Variants in ENPEP observed in about 807,000 individuals in gnomAD.
ENPEP encodes the protein AP-A.
Under a neutral mutation model 114.5 loss-of-function variants are expected in ENPEP, and 103 were observed. The ratio of observed to expected loss-of-function variants is 0.90; its 90% confidence interval spans 0.77 to 1.06. ENPEP has a LOEUF of 1.06. Ranked by LOEUF, ENPEP falls within the 50% of genes least tolerant of loss-of-function variation. ENPEP has a pLI of 0.00. For missense variants in ENPEP, 1,196 were observed against 1,161.3 expected (o/e 1.03, Z -0.43); for synonymous variants, 420 against 422.0 (o/e 1.00, Z 0.06).
intron 3 of ENPEP, among the ~76,000 whole-genome samples, chr4:110,497,067 GA>G (rs1435013790): frequency 6.6e-6 from 1 of 152,198 alleles, no homozygotes; most frequent in African/African-American, 2.4e-5. Context: ...TTTAGGGAGT[GA>G]TAATTAAAGG....
chr4:110,498,282 T>G (rs996614143), intron 3 of ENPEP, among the ~76,000 whole-genome samples: 5 of 152,108 alleles, frequency 3.3e-5, no homozygotes, highest in African/African-American at 9.7e-5. Context: ...AGCTTGTTTT[T>G]GGGGGATCCT....
chr4:110,518,799 C>T (rs1387790892), intron 8 of ENPEP, among the ~76,000 whole-genome samples: 1 of 152,122 alleles, frequency 6.6e-6, no homozygotes, highest in Admixed American at 6.5e-5. Context: ...TTTAAAGTCC[C>T]TTCCAGTTCC....
chr4:110,529,872 G>A (rs6823156), intron 10 of ENPEP, among the ~76,000 whole-genome samples: 49,502 of 151,836 alleles, frequency 0.33, 8,466 homozygotes, highest in African/African-American at 0.38. Flanking sequence ...TCAGGAGTTC[G>A]AGACCAACCT....
intron 1 of ENPEP, among the ~76,000 whole-genome samples, chr4:110,482,333 C>A (rs1724340326): frequency 6.6e-6 from 1 of 151,996 alleles, no homozygotes; most frequent in Admixed American, 6.6e-5. Flanking sequence ...TCTAGGATAC[C>A]CCAGCTAGCC....
chr4:110,555,084 G>C (rs1314723011), intron 18 of ENPEP, among the ~76,000 whole-genome samples: 1 of 151,912 alleles, frequency 6.6e-6, no homozygotes, highest in Non-Finnish European at 1.5e-5. Context: ...CTGGTAAATT[G>C]ATTATTTTTC....
intron 18 of ENPEP, among the ~76,000 whole-genome samples, chr4:110,558,186 T>A (rs1013233632): frequency 1.3e-5 from 2 of 149,766 alleles, no homozygotes; most frequent in African/African-American, 2.4e-5. Context: ...TTAATTTGCA[T>A]AAAACAAACT....
chr4:110,493,580 C>T (rs1724805845), intron 3 of ENPEP, among the ~76,000 whole-genome samples: 1 of 152,120 alleles, frequency 6.6e-6, no homozygotes, highest in African/African-American at 2.4e-5. Context: ...CCTGAAAAAA[C>T]AGTGGGGCCG....
rs765915478 is a variant in ENPEP, at chr4:110,476,838, A to T, written c.424A>T (p.Thr142Ser). The change falls in exon 1 of 20, where the codon ACC (threonine) becomes TCC (serine). Residue 142 changes from threonine to serine, a missense_variant. Transcript: ENST00000265162. ...GCTGCACCTCCGGGAGACCAGGATC[A>T]CCCGGCTCCCGGAGCTGAAGAGGCC... ...LWLHLRETRITRLPELKRPSG... is the reference protein window; with the variant it reads ...LWLHLRETRISRLPELKRPSG... The T allele has an allele frequency of 6.2e-7, 1 of 1,613,960 alleles. No homozygotes were observed. The highest frequency in any genetic ancestry group is 8.5e-7 in the Non-Finnish European group (1 of 1,180,006).
At chr4:110,513,724 G>A (rs1725664608) in intron 7 of ENPEP, among the ~76,000 whole-genome samples, 175 bp downstream of exon 7, 1 of 152,088 alleles carries the variant, frequency 6.6e-6, no homozygotes, top group Non-Finnish European at 1.5e-5. Flanking sequence ...ATAATTTAGT[G>A]CTGGTCATTG....
At chr4:110,558,128 A>G (rs1406500537) in intron 18 of ENPEP, among the ~76,000 whole-genome samples, 1 of 142,180 alleles carries the variant, frequency 7.0e-6, no homozygotes, top group Non-Finnish European at 1.5e-5. Context: ...CCCAAGTCAC[A>G]GGGATTACAA....
At chr4:110,552,120 T>G (rs80282954) in intron 17 of ENPEP, among the ~76,000 whole-genome samples, 2,251 of 152,260 alleles carry the variant, frequency 0.015, 35 homozygotes, top group South Asian at 0.027. Flanking sequence ...AACTGATAGC[T>G]TCCCATAAAC....
intron 11 of ENPEP, among the ~76,000 whole-genome samples, chr4:110,539,644 C>T (rs1726777645): frequency 6.6e-6 from 1 of 152,072 alleles, no homozygotes; most frequent in Non-Finnish European, 1.5e-5. Flanking sequence ...CCTATCTTGG[C>T]CTCCCAAAGT....
In ENPEP at chr4:110,549,741, G is replaced by A. The variant is rs1385846549; in HGVS notation, c.2356G>A (p.Val786Met). Residue 786 changes from valine to methionine, a missense_variant, in exon 17 of 20, where the codon GTG becomes ATG. Transcript: ENST00000265162. ...VSLPVNLRLLVYRYGMQNSGN... is the reference protein window; with the variant it reads ...VSLPVNLRLLMYRYGMQNSGN... ...CCTTCCCGTAAATCTCAGGCTTCTG[G>A]TGTATCGGTATGGGATGCAGAACTC... 1 of 1,613,222 alleles carries A rather than the reference G, an allele frequency of 6.2e-7. No homozygotes were observed. Among genetic ancestry groups the A allele is most frequent in the Non-Finnish European group, 8.5e-7 (1 of 1,179,530 alleles).
At chr4:110,515,718 G>T (rs1213854441) in intron 8 of ENPEP, 4 of 529,020 alleles carry the variant, frequency 7.6e-6, no homozygotes, top group Non-Finnish European at 1.5e-5. Flanking sequence ...AGCTTGGGCT[G>T]CCATAAGGAA....
At position 110,508,549 on chromosome 4, in the gene ENPEP, C is replaced by G. The variant is rs543273792; in HGVS notation, c.1040-1104C>G. Among the ~76,000 whole-genome samples, 5 of 152,358 alleles carry G rather than the reference C, an allele frequency of 3.3e-5. No homozygotes were observed. In the South Asian group the frequency reaches 1.0e-3, roughly 32 times the overall value. On this transcript the variant is annotated intron_variant, in intron 4 of 19. Coordinates refer to ENST00000265162, the MANE Select transcript of ENPEP (RefSeq NM_001977.4). ...TATTTTGGCTGGGTGCGGTGGCTCACGCCTGTAATCCCAGCACTTTGGGAG... is the reference window on the plus strand; with the variant it reads ...TATTTTGGCTGGGTGCGGTGGCTCAGGCCTGTAATCCCAGCACTTTGGGAG...
At chr4:110,492,251 T>G (rs1242051504) in intron 3 of ENPEP, among the ~76,000 whole-genome samples, 1 of 152,210 alleles carries the variant, frequency 6.6e-6, no homozygotes, top group Non-Finnish European at 1.5e-5. Context: ...TGAAGTTTAA[T>G]AAATTTAGGC....
In ENPEP at chr4:110,506,684, T is replaced by G; in HGVS notation, c.966T>G (p.Ala322=). ...AGCAAAAGCACACAGCCGAATATGC[T>G]GCAAACATAACTAAAAGTGTGTTTG... ...QPEQKHTAEY[A]ANITKSVFDY... Residue 322 remains alanine (A), a synonymous_variant, in exon 4 of 20, where the codon GCT becomes GCG. Transcript: ENST00000265162. 6.2e-7 allele frequency: 1 copy of G among 1,612,908 alleles called. No individual in the cohort carries two copies. Among genetic ancestry groups the G allele is most frequent in the Admixed American group, 1.7e-5 (1 of 59,962 alleles).
intron 1 of ENPEP, among the ~76,000 whole-genome samples, chr4:110,480,260 A>G (rs1019121664): frequency 3.3e-5 from 5 of 152,212 alleles, no homozygotes; most frequent in Admixed American, 2.6e-4. Flanking sequence ...TTTAGGCTAA[A>G]TGGAATACTT....
At chr4:110,495,983 A>G (rs912997702) in intron 3 of ENPEP, among the ~76,000 whole-genome samples, 8 of 152,218 alleles carry the variant, frequency 5.3e-5, no homozygotes, top group African/African-American at 1.7e-4. Context: ...GATATTATCC[A>G]TTTAATTAGG....
Sources: allele counts gnomAD v4.1 joint callset (sites outside exome capture counted in the v4.1 genomes callset), GRCh38; gene constraint gnomAD v4.1.1; transcripts MANE v1.5; gene names NCBI Gene and HGNC (gene_info 2026-07-23, HGNC 2026-07-21).